KIF26B: variants seen among roughly 807,000 people sequenced by gnomAD.
The protein encoded by KIF26B is kinesin-like protein KIF26B.
A neutral mutation model predicts 151.2 loss-of-function variants in KIF26B; 63 were observed. That is an observed-to-expected ratio of 0.42 (90% CI 0.34 to 0.51). The LOEUF is 0.51. KIF26B is among the 20% of genes least tolerant of loss of function. The pLI is 0.07. For synonymous variants in KIF26B, 1,357 were observed against 1,262.1 expected (o/e 1.08, Z -1.59); for missense variants, 2,813 against 2,913.6 (o/e 0.97, Z 0.79).
intron 2 of KIF26B, among the ~76,000 whole-genome samples, chr1:245,266,451 C>G (rs1180698981): frequency 6.6e-6 from 1 of 152,134 alleles, no homozygotes; most frequent in African/African-American, 2.4e-5. Flanking sequence ...AGAGAATAAG[C>G]TTTGGAGTCA....
At chr1:245,526,847 G>A (rs1479503149) in intron 4 of KIF26B, among the ~76,000 whole-genome samples, 5 of 152,162 alleles carry the variant, frequency 3.3e-5, no homozygotes, top group Non-Finnish European at 7.3e-5. Context: ...ATTGAAATAT[G>A]GGAAAAGTGA....
At chr1:245,295,458 G>A (rs553314294) in intron 2 of KIF26B, among the ~76,000 whole-genome samples, 15 of 152,268 alleles carry the variant, frequency 9.9e-5, no homozygotes, top group South Asian at 2.1e-4. Flanking sequence ...CCATGGGTCC[G>A]TATCATGGGT....
intron 3 of KIF26B, among the ~76,000 whole-genome samples, chr1:245,383,809 C>T (rs1282469875): frequency 3.9e-5 from 6 of 152,154 alleles, no homozygotes; most frequent in African/African-American, 1.4e-4. Context: ...GTGCTGTCCA[C>T]TAATAAGTGT....
At chr1:245,309,454 C>T (rs1671622698) in intron 2 of KIF26B, among the ~76,000 whole-genome samples, 1 of 151,844 alleles carries the variant, frequency 6.6e-6, no homozygotes, top group South Asian at 2.1e-4. Context: ...AACATCAGTT[C>T]TTCCTGGGTC....
intron 2 of KIF26B, among the ~76,000 whole-genome samples, chr1:245,309,860 AAT>A (rs1035942022): frequency 4.1e-5 from 6 of 146,054 alleles, no homozygotes; most frequent in African/African-American, 1.5e-4. Flanking sequence ...TATAATATTT[AAT>A]ATATATAATA....
At chr1:245,424,531 C>A (rs1286397039) in intron 4 of KIF26B, among the ~76,000 whole-genome samples, 8 of 152,136 alleles carry the variant, frequency 5.3e-5, no homozygotes, top group Non-Finnish European at 1.2e-4. Context: ...CTTTCTAGAA[C>A]TGTGGGTGGA....
chr1:245,552,601 A>AC (rs1331122087), intron 5 of KIF26B, among the ~76,000 whole-genome samples: 1 of 146,612 alleles, frequency 6.8e-6, no homozygotes, highest in Non-Finnish European at 1.5e-5. Flanking sequence ...CCTTGCACCT[A>AC]TGTCATCTTC....
chr1:245,186,030 ACGTC>A (rs911012623), intron 2 of KIF26B, among the ~76,000 whole-genome samples: 81 of 152,182 alleles, frequency 5.3e-4, no homozygotes, highest in African/African-American at 1.7e-3. Context: ...GCCCGCCACC[ACGTC>A]CAGCTAATTT....
intron 2 of KIF26B, among the ~76,000 whole-genome samples, chr1:245,201,860 G>A (rs1669305711): frequency 6.6e-6 from 1 of 152,222 alleles, no homozygotes; most frequent in Non-Finnish European, 1.5e-5. Flanking sequence ...CAGCACAGGA[G>A]TACGACTGTA....
chr1:245,666,909 A>G (rs1256101289), intron 10 of KIF26B, among the ~76,000 whole-genome samples: 1 of 152,114 alleles, frequency 6.6e-6, no homozygotes, highest in Non-Finnish European at 1.5e-5. Context: ...GCTTGGCCAG[A>G]GTCTTGGCCT....
At chr1:245,672,929 G>A (rs2044306689) in intron 10 of KIF26B, among the ~76,000 whole-genome samples, 1 of 151,996 alleles carries the variant, frequency 6.6e-6, no homozygotes, top group South Asian at 2.1e-4. Context: ...CTTCCCCAAA[G>A]CACCATCTTG....
chr1:245,324,836 T>C (rs1671954652), intron 2 of KIF26B, among the ~76,000 whole-genome samples: 1 of 151,932 alleles, frequency 6.6e-6, no homozygotes, highest in Non-Finnish European at 1.5e-5. Context: ...GGCTCATGCC[T>C]GTAATCCCAG....
At chr1:245,469,110 G>A (rs146596161) in intron 4 of KIF26B, among the ~76,000 whole-genome samples, 9 of 152,340 alleles carry the variant, frequency 5.9e-5, no homozygotes, top group Admixed American at 2.0e-4. Flanking sequence ...TGGCTGCAAC[G>A]TAAATGACCT....
At chr1:245,593,490 A>G (rs1229459960) in intron 5 of KIF26B, among the ~76,000 whole-genome samples, 1 of 152,208 alleles carries the variant, frequency 6.6e-6, no homozygotes, top group Non-Finnish European at 1.5e-5. Flanking sequence ...GTCCCTGCAA[A>G]GGACATGAAC....
chr1:245,548,031 G>C (rs1020202117), intron 5 of KIF26B, among the ~76,000 whole-genome samples: 2 of 152,146 alleles, frequency 1.3e-5, no homozygotes, highest in Admixed American at 6.5e-5. Context: ...GAGTAGACAG[G>C]CTCTTCTGAA....
intron 10 of KIF26B, among the ~76,000 whole-genome samples, chr1:245,674,725 G>T (rs2044336243): frequency 6.6e-6 from 1 of 152,170 alleles, no homozygotes; most frequent in Non-Finnish European, 1.5e-5. Flanking sequence ...CTAATAAGTT[G>T]TACATATTGG....
Position 245,602,871 on chromosome 1 carries a change from G to A in KIF26B, c.1557+88G>A. 8.4e-7 allele frequency: 1 copy of A among 1,186,414 alleles called. No individual in the cohort carries two copies. 73.5% of individuals were successfully genotyped at this position (1,186,414 alleles called of 1,614,324 possible). A position where few individuals can be genotyped will look rare whatever the true frequency, so the allele number is the denominator to read the frequency against. On this transcript the variant is annotated intron_variant, in intron 6 of 14. Coordinates refer to ENST00000407071, the MANE Select transcript of KIF26B (RefSeq NM_018012.4). This position sits in a 1 kb window ranked among gnomAD's most constrained non-coding sequence, Gnocchi z 4.5. ...ACAAGGGCCCTTGAGCTGGGAGGGT[G>A]TCTTCTGGAGCATTCTGATGGACCA...
intron 2 of KIF26B, among the ~76,000 whole-genome samples, chr1:245,202,692 G>A (rs1318585169): frequency 7.3e-5 from 11 of 150,104 alleles, no homozygotes; most frequent in East Asian, 2.0e-4. Context: ...CCCGGGAGGC[G>A]GAGCTTGCAG....
chr1:245,280,753 C>G (rs1436942158), intron 2 of KIF26B, among the ~76,000 whole-genome samples: 2 of 121,638 alleles, frequency 1.6e-5, no homozygotes, highest in East Asian at 2.6e-4. Context: ...ATCCCTCCCC[C>G]CTCCCCCTAC....
Sources: allele counts gnomAD v4.1 joint callset (sites outside exome capture counted in the v4.1 genomes callset), GRCh38; gene constraint gnomAD v4.1.1; non-coding constraint Gnocchi (gnomAD v3.1); transcripts MANE v1.5; gene names NCBI Gene and HGNC (gene_info 2026-07-23, HGNC 2026-07-21).